ZNF345: variants seen among roughly 807,000 people sequenced by gnomAD.
ZNF345 encodes the protein zinc finger protein 345, also known as zinc finger protein HZF10.
For missense variants in ZNF345, 527 were observed against 589.9 expected (o/e 0.89, Z 1.10); for synonymous variants, 166 against 187.9 (o/e 0.88, Z 0.95).
At position 36,877,209 on chromosome 19, in the gene ZNF345, T is replaced by C; in HGVS notation, c.379T>C (p.Phe127Leu). The C allele has an allele frequency of 6.2e-7, 1 of 1,613,988 alleles. No homozygotes were observed. ...TGAATGTAAAGAATGTGGGAAGGCCTTTGGTAGTGGCTCAAACCTTACTCA... is the reference window on the plus strand; with the variant it reads ...TGAATGTAAAGAATGTGGGAAGGCCCTTGGTAGTGGCTCAAACCTTACTCA... ...PFECKECGKAFGSGSNLTHHQ... is the reference protein window; with the variant it reads ...PFECKECGKALGSGSNLTHHQ... The change falls in exon 3 of 3, where the codon TTT becomes CTT. Residue 127 changes from phenylalanine (F) to leucine (L), a missense_variant. Physicochemically the swap from Phe to Leu is conservative, Grantham distance 22 (BLOSUM62 0). Coordinates refer to ENST00000420450, the MANE Select transcript of ZNF345 (RefSeq NM_001242472.2).
rs527343412 is a variant in ZNF345 at position 36,861,183 on chromosome 19, A to G, written c.-47+9279A>G. Among the ~76,000 whole-genome samples the G allele has an allele frequency of 2.0e-5, 3 of 152,290 alleles. No individual in the cohort carries two copies. In the East Asian group the frequency reaches 5.8e-4, roughly 29 times the overall value. ...TTCTGTGTTCCTTTGACTTGTCTCC[A>G]TGATTCTTTGAGCATTTCCTTACTT... On this transcript the variant is annotated intron_variant, in intron 2 of 2. Coordinates refer to ENST00000420450, the MANE Select transcript of ZNF345 (RefSeq NM_001242472.2).
At chr19:36,889,903 T>G (rs908071307) in intron 3 of ZNF345, 3 of 152,206 alleles carry the variant, frequency 2.0e-5, no homozygotes, top group African/African-American at 7.2e-5. Context: ...TGTAGGCATT[T>G]AATGCTATAA....
At chr19:36,852,124 C>CTTTTTTTTTTTTTTTTTTTTT (rs2072284039) in intron 2 of ZNF345, among the ~76,000 whole-genome samples, 1 of 107,676 alleles carries the variant, frequency 9.3e-6, no homozygotes, top group Non-Finnish European at 1.8e-5. Flanking sequence ...TTTTTTCTTT[C>CTTTTTTTTTTTTTTTTTTTTT]TTTCTTTTTT....
intron 2 of ZNF345, among the ~76,000 whole-genome samples, chr19:36,862,588 T>A (rs959680512): frequency 2.9e-5 from 4 of 139,062 alleles, no homozygotes. Context: ...CACTTGAACC[T>A]GGGAGGCAGA....
chr19:36,867,649 A>C lies in ZNF345; in HGVS notation c.-46-9136A>C, dbSNP rs187263952. ...TTTTGAAAGAATTTTATGATTTAGC[A>C]CTTCTGTTTAGGTTGTTGATCCATC... On this transcript the variant is annotated intron_variant, in intron 2 of 2. Coordinates refer to ENST00000420450, the MANE Select transcript of ZNF345 (RefSeq NM_001242472.2). 1.1e-4 allele frequency among the ~76,000 whole-genome samples: 16 copies of C among 152,286 alleles called. No individual in the cohort carries two copies. In the East Asian group the frequency reaches 3.1e-3, roughly 29 times the overall value.
intron 2 of ZNF345, among the ~76,000 whole-genome samples, chr19:36,856,506 G>A (rs901337621): frequency 2.6e-5 from 4 of 151,980 alleles, no homozygotes; most frequent in African/African-American, 9.7e-5. Flanking sequence ...CCTGAACCAT[G>A]TTTAGATTTT....
At chr19:36,888,744 G>C (rs2073022012) in intron 3 of ZNF345, 1 of 151,910 alleles carries the variant, frequency 6.6e-6, no homozygotes, top group African/African-American at 2.4e-5. Context: ...TCCCCCGGCT[G>C]GAGTGCAATG....
chr19:36,851,233 T>G (rs1166236377), intron 1 of ZNF345: 2 of 152,510 alleles, frequency 1.3e-5, no homozygotes, highest in Non-Finnish European at 2.9e-5. Context: ...TGACTGTATG[T>G]CCCCTTGGGG....
Position 36,885,823 on chromosome 19 carries a change from A to G in ZNF345, c.47-6995A>G, listed in dbSNP as rs146330779. Among the ~76,000 whole-genome samples the G allele has an allele frequency of 8.8e-3, 1,339 of 152,302 alleles. 4 individuals are homozygous for G. Among genetic ancestry groups the G allele is most frequent in the Non-Finnish European group, 0.014 (959 of 68,026 alleles). On this transcript the variant is annotated intron_variant, in intron 3 of 3. Transcript: ENST00000526123. ...TTTAGTGGGTCAAGTTTAATTATCA[A>G]TACTGCTACGGATATCCAAGTTAAT...
At chr19:36,871,115 G>C (rs1295818777) in intron 2 of ZNF345, among the ~76,000 whole-genome samples, 1 of 152,176 alleles carries the variant, frequency 6.6e-6, no homozygotes, top group African/African-American at 2.4e-5. Context: ...TTCAGTGTCT[G>C]GTAAGGACCT....
rs2072689062 is a variant in ZNF345 at position 36,867,765 on chromosome 19, A to T, written c.-46-9020A>T. ...ATTTCTTTCTCCATTCAGTGGACTTACTATCCTTCTGGGAAATCTATTAGT... is the reference window on the plus strand; with the variant it reads ...ATTTCTTTCTCCATTCAGTGGACTTTCTATCCTTCTGGGAAATCTATTAGT... On this transcript the variant is annotated intron_variant, in intron 2 of 2. Transcript: ENST00000420450. Among the ~76,000 whole-genome samples the T allele has an allele frequency of 2.0e-5, 3 of 152,042 alleles. No individual in the cohort carries two copies. In the South Asian group the frequency reaches 6.2e-4, roughly 32 times the overall value.
intron 3 of ZNF345, chr19:36,888,194 C>A (rs2073015149): frequency 6.7e-6 from 1 of 148,952 alleles, no homozygotes; most frequent in South Asian, 2.2e-4. Context: ...TGATCAGTTT[C>A]TCATAACATA....
rs778438906 is a variant in ZNF345, at chr19:36,878,248, A to G, written c.1418A>G (p.Lys473Arg). 4.4e-6 allele frequency: 7 copies of G among 1,603,256 alleles called. No individual in the cohort carries two copies. In the South Asian group the frequency reaches 5.6e-5, roughly 13 times the overall value. ...YGRDSEFQQH[K>R]KSHNGKKLCE... ...AGGGATTCAGAGTTTCAGCAACATA[A>G]GAAAAGTCATAATGGTAAGAAACTC... The change falls in exon 3 of 3, where the codon AAG becomes AGG. Residue 473 changes from lysine to arginine, a missense_variant. Transcript: ENST00000420450.
Position 36,892,867 on chromosome 19 carries a change from C to G in ZNF345, c.96C>G (p.Tyr32Ter), listed in dbSNP as rs1320397097. ...CCCAGCTCTGTGTCTCCTCGTCGTA[C>G]AGCTTGTGGAGCTCCGACTGCAAGG... The change falls in exon 4 of 4, where the codon TAC (tyrosine) becomes TAG (stop). Residue 32 changes from tyrosine to a stop codon, truncating the protein, a stop_gained. Coordinates refer to the ZNF345 transcript ENST00000526123. LOFTEE classifies it high-confidence loss of function. 3.9e-5 allele frequency: 45 copies of G among 1,154,374 alleles called. No individual in the cohort carries two copies. In the Admixed American group the frequency reaches 1.8e-3, roughly 47 times the overall value. 71.5% of individuals were successfully genotyped at this position (1,154,374 alleles called of 1,614,324 possible).
chr19:36,871,941 AT>A (rs1328927562), intron 2 of ZNF345, among the ~76,000 whole-genome samples: 1 of 151,836 alleles, frequency 6.6e-6, no homozygotes. Flanking sequence ...CTAATTTTGT[AT>A]TTTTAGTAGA....
At chr19:36,852,128 C>CTTTTTTTTTTTTTTTTTTTTTTTTTT (rs35747733) in intron 2 of ZNF345, among the ~76,000 whole-genome samples, 35 of 102,694 alleles carry the variant, frequency 3.4e-4, no homozygotes, top group East Asian at 8.7e-4. Context: ...TTCTTTCTTT[C>CTTTTTTTTTTTTTTTTTTTTTTTTTT]TTTTTTTTTT....
rs2073073656 is a variant in ZNF345 at position 36,892,868 on chromosome 19, AG to A, written c.98del (p.Ser33ThrfsTer17). ...CCAGCTCTGTGTCTCCTCGTCGTAC[AG>A]CTTGTGGAGCTCCGACTGCAAGGCC... On this transcript the variant is annotated frameshift_variant, in exon 4 of 4. Coordinates refer to the ZNF345 transcript ENST00000526123. LOFTEE classifies it high-confidence loss of function. 8.7e-7 allele frequency: 1 copy of A among 1,152,286 alleles called. No homozygotes were observed. The allele number at this position is 1,152,286 out of a possible 1,614,324, so 71.4% of individuals were successfully genotyped here. A position where few individuals can be genotyped will look rare whatever the true frequency, so the allele number is the denominator to read the frequency against.
At chr19:36,892,693 C>T (rs1489587870) in intron 3 of ZNF345, 2 of 612,704 alleles carry the variant, frequency 3.3e-6, no homozygotes, top group Non-Finnish European at 5.4e-6. Flanking sequence ...CCTCTATGAT[C>T]CTCAAATTTT....
chr19:36,884,735 G>T (rs978099437), intron 3 of ZNF345, among the ~76,000 whole-genome samples: 1 of 152,124 alleles, frequency 6.6e-6, no homozygotes, highest in Non-Finnish European at 1.5e-5. Context: ...CTGTCGGGTG[G>T]CCATCCAAAG....
Sources: gnomAD v4.1 joint callset for allele counts (sites outside exome capture counted in the v4.1 genomes callset) on GRCh38, gnomAD v4.1.1 for gene constraint, MANE v1.5 for transcripts, NCBI Gene and HGNC (gene_info 2026-07-23, HGNC 2026-07-21) for gene names.